GAD2: variants seen among roughly 807,000 people sequenced by gnomAD.
GAD2 encodes the protein 65 kDa glutamic acid decarboxylase.
Under a neutral mutation model 80.1 loss-of-function variants are expected in GAD2, and 22 were observed. The observed-to-expected ratio is 0.27, with a 90% CI of 0.20 to 0.39. The LOEUF is 0.39. Among genes scored for constraint, GAD2 ranks in the 10% least tolerant of loss-of-function variants. The pLI is 1.00. For synonymous variants in GAD2, 274 were observed against 256.9 expected (o/e 1.07, Z -0.64); for missense variants, 624 against 738.4 (o/e 0.85, Z 1.80).
intron 8 of GAD2, among the ~76,000 whole-genome samples, chr10:26,249,544 G>C (rs1287958714): frequency 6.6e-6 from 1 of 152,236 alleles, no homozygotes; most frequent in East Asian, 1.9e-4. Flanking sequence ...GGCCTAGGCA[G>C]TCTTCCTTGC....
chr10:26,243,632 G>A (rs905998262), intron 7 of GAD2, among the ~76,000 whole-genome samples: 4 of 152,308 alleles, frequency 2.6e-5, no homozygotes, highest in Admixed American at 6.5e-5. Flanking sequence ...AGACTTTGGC[G>A]GTGGCTTGGC....
intron 8 of GAD2, among the ~76,000 whole-genome samples, chr10:26,259,190 T>G (rs907890562): frequency 2.0e-5 from 3 of 152,234 alleles, no homozygotes; most frequent in African/African-American, 7.2e-5. Context: ...TTCAAGACTC[T>G]GCTTTCAATT....
At chr10:26,278,648 C>T (rs1463585914) in intron 11 of GAD2, among the ~76,000 whole-genome samples, 1 of 152,100 alleles carries the variant, frequency 6.6e-6, no homozygotes, top group Non-Finnish European at 1.5e-5. Context: ...GGGAACTTTC[C>T]AATACCTCAA....
rs140968176 is a variant in GAD2, at chr10:26,284,247, T to C, written c.1237-2098T>C. On this transcript the variant is annotated intron_variant, in intron 12 of 15. Transcript: ENST00000376261. ...GTTCTCAGTTTTAAAAAGGCTGGGA[T>C]ATATTGGTTTAGAGTTAAAAACAAC... is the stretch of plus-strand genomic sequence containing the variant. Among the ~76,000 whole-genome samples the C allele has an allele frequency of 5.2e-3, 799 of 152,274 alleles. 10 individuals are homozygous for C. Among genetic ancestry groups the C allele is most frequent in the African/African-American group, 0.018 (758 of 41,542 alleles).
chr10:26,244,217 G>A lies in GAD2; in HGVS notation c.841-1704G>A, dbSNP rs12240390. Among the ~76,000 whole-genome samples, 554 of 152,258 alleles carry A rather than the reference G, an allele frequency of 3.6e-3. 6 individuals carry two copies. The highest frequency in any genetic ancestry group is 0.013 in the African/African-American group (522 of 41,550). ...CTCATTCATTAGGATGACTGTTATC[G>A]AAAACAGAAAATTATGATTGTTGGT... On this transcript the variant is annotated intron_variant, in intron 7 of 15. Coordinates refer to ENST00000376261, the MANE Select transcript of GAD2 (RefSeq NM_001134366.2).
intron 15 of GAD2, among the ~76,000 whole-genome samples, chr10:26,297,710 A>G (rs1266191333): frequency 6.6e-6 from 1 of 152,190 alleles, no homozygotes; most frequent in Non-Finnish European, 1.5e-5. Flanking sequence ...TTTATTGATG[A>G]TATCAGTTTG....
chr10:26,301,018 A>G lies in GAD2; in HGVS notation c.*57A>G. 7.2e-7 allele frequency: 1 copy of G among 1,395,754 alleles called. No individual in the cohort carries two copies. Among genetic ancestry groups the G allele is most frequent in the Non-Finnish European group, 1.0e-6 (1 of 986,680 alleles). 86.5% of individuals were successfully genotyped at this position (1,395,754 alleles called of 1,614,324 possible). On this transcript the variant is annotated 3_prime_UTR_variant, in exon 16 of 16. Transcript: ENST00000376261. Reference sequence around the variant, plus strand: ...TAGGTAGACAATTAAGTTGTCACAAACTGTGTGAATGTATTTGTAGTTTGT... The same window carrying G: ...TAGGTAGACAATTAAGTTGTCACAAGCTGTGTGAATGTATTTGTAGTTTGT...
intron 6 of GAD2, among the ~76,000 whole-genome samples, chr10:26,228,759 G>A (rs1844561127): frequency 6.6e-6 from 1 of 152,186 alleles, no homozygotes; most frequent in Admixed American, 6.5e-5. Context: ...GCCTAATGAT[G>A]TGAGGTGGAA....
Position 26,218,052 on chromosome 10 carries a change from G to A in GAD2, c.286+61G>A, listed in dbSNP as rs894591498. 1.4e-5 allele frequency: 21 copies of A among 1,505,926 alleles called. 1 individual carries two copies. The East Asian group carries it at 5.0e-4, about 36-fold the overall frequency. The allele number at this position is 1,505,926 out of a possible 1,614,324, so 93.3% of individuals were successfully genotyped here. ...CCCCTCTCTCTGCCCCGCCCACCGC[G>A]GCCGGTGCGGGTCCGGCGCTGAGAG... On this transcript the variant is annotated intron_variant, in intron 3 of 15. Transcript: ENST00000376261.
chr10:26,239,229 C>T (rs1217376836), intron 7 of GAD2, among the ~76,000 whole-genome samples: 41 of 152,180 alleles, frequency 2.7e-4, no homozygotes, highest in Admixed American at 2.6e-3. Flanking sequence ...GAGTTAAGAG[C>T]TAAGATTTCC....
At chr10:26,242,877 G>A (rs989048464) in intron 7 of GAD2, among the ~76,000 whole-genome samples, 6 of 152,158 alleles carry the variant, frequency 3.9e-5, no homozygotes, top group Non-Finnish European at 8.8e-5. Context: ...CCTTTTTGCA[G>A]TTTAGTGCTT....
At chr10:26,234,438 G>A (rs1844645519) in intron 7 of GAD2, among the ~76,000 whole-genome samples, 1 of 152,088 alleles carries the variant, frequency 6.6e-6, no homozygotes. Context: ...GTCAATGGCA[G>A]AGCAAGATTC....
chr10:26,234,338 C>CAA (rs35871778), intron 7 of GAD2, among the ~76,000 whole-genome samples: 2,685 of 126,332 alleles, frequency 0.021, 80 homozygotes, highest in African/African-American at 0.076. Flanking sequence ...AAAAAAAAGA[C>CAA]AAAAAAAAAA....
At chr10:26,271,028 G>C (rs8190716) in intron 10 of GAD2, among the ~76,000 whole-genome samples, 2,614 of 152,268 alleles carry the variant, frequency 0.017, 69 homozygotes, top group African/African-American at 0.059. Context: ...TGACCACTTT[G>C]TTCTCAATTC....
chr10:26,249,198 G>T (rs995940801), intron 8 of GAD2, among the ~76,000 whole-genome samples: 3 of 152,148 alleles, frequency 2.0e-5, no homozygotes, highest in Admixed American at 1.3e-4. Context: ...TAGTAGCTGG[G>T]ACTACAGGCA....
intron 8 of GAD2, among the ~76,000 whole-genome samples, chr10:26,263,732 T>C (rs1845035747): frequency 6.6e-6 from 1 of 152,202 alleles, no homozygotes; most frequent in Non-Finnish European, 1.5e-5. Context: ...TTTACTGCTA[T>C]TGCGTTTGAA....
Position 26,301,019 on chromosome 10 carries a change from C to T in GAD2, c.*58C>T, listed in dbSNP as rs1834324486. 5 of 1,377,964 alleles carry T rather than the reference C, an allele frequency of 3.6e-6. No homozygotes were observed. In the South Asian group the frequency reaches 4.7e-5, roughly 13 times the overall value. 85.4% of individuals were successfully genotyped at this position (1,377,964 alleles called of 1,614,324 possible). A position where few individuals can be genotyped will look rare whatever the true frequency, so the allele number is the denominator to read the frequency against. ...AGGTAGACAATTAAGTTGTCACAAA[C>T]TGTGTGAATGTATTTGTAGTTTGTT... On this transcript the variant is annotated 3_prime_UTR_variant, in exon 16 of 16. Coordinates refer to ENST00000376261, the MANE Select transcript of GAD2 (RefSeq NM_001134366.2).
Position 26,244,997 on chromosome 10 carries a change from C to T in GAD2, c.841-924C>T, listed in dbSNP as rs574226797. On this transcript the variant is annotated intron_variant, in intron 7 of 15. Transcript: ENST00000376261. ...TGAAACCCTGTCTCTACTAAAAATA[C>T]CAAAAACTAGCTAGGCATGGTGGTG... Among the ~76,000 whole-genome samples the T allele has an allele frequency of 1.7e-4, 26 of 151,624 alleles. No individual in the cohort carries two copies. The South Asian group carries it at 4.8e-3, about 28-fold the overall frequency.
At position 26,293,193 on chromosome 10, in the gene GAD2, T is replaced by C. The variant is rs72787394; in HGVS notation, c.1584+202T>C. On this transcript the variant is annotated intron_variant, in intron 15 of 15. Transcript: ENST00000376261. ...TCTTCTTTTTTTTTTTTTTTTTTTT[T>C]TTGAGATGGAGTCTCACTGTGTCTT... Among the ~76,000 whole-genome samples the C allele has an allele frequency of 5.9e-3, 807 of 136,840 alleles. 2 individuals are homozygous for C. The highest frequency in any genetic ancestry group is 0.028 in the Middle Eastern group (7 of 250). 89.8% of individuals were successfully genotyped at this position (136,840 alleles called of 152,430 possible).
Sources: allele counts gnomAD v4.1 joint callset (sites outside exome capture counted in the v4.1 genomes callset), GRCh38; gene constraint gnomAD v4.1.1; transcripts MANE v1.5; gene names NCBI Gene and HGNC (gene_info 2026-07-23, HGNC 2026-07-21).